The following URB1 variants were observed in gnomAD, a reference collection of about 807,000 sequenced individuals.
The protein encoded by URB1 is URB1 ribosome biogenesis factor.
A neutral mutation model predicts 242.3 loss-of-function variants in URB1; 197 were observed. The observed-to-expected ratio is 0.81, with a 90% confidence interval of 0.72 to 0.91. The LOEUF (loss-of-function observed/expected upper bound fraction) is 0.91, where lower values mean the gene tolerates loss of function less well. Among genes scored for constraint, URB1 ranks in the 40% least tolerant of loss-of-function variants. URB1 has a pLI of 0.00. For missense variants in URB1, 2,721 were observed against 2,860.5 expected (o/e 0.95, Z 1.11); for synonymous variants, 1,153 against 1,201.8 (o/e 0.96, Z 0.84).
At chr21:32,366,500 G>A (rs1601148966) in intron 10 of URB1, 118 bp downstream of exon 10, 1 of 1,408,110 alleles carries the variant, frequency 7.1e-7, no homozygotes. Flanking sequence ...AAGCCTCCGA[G>A]GCCCCCTGAC....
intron 32 of URB1, among the ~76,000 whole-genome samples, chr21:32,323,120 G>A (rs1035856561): frequency 2.0e-5 from 3 of 152,122 alleles, no homozygotes; most frequent in African/African-American, 7.2e-5. Flanking sequence ...CCCTGCACAC[G>A]CTCCACCCCG....
Position 32,361,056 on chromosome 21 carries a change from G to A in URB1, c.1707C>T (p.Val569=). Residue 569 remains valine (V), a synonymous_variant, in exon 13 of 39, where the codon GTC becomes GTT. Coordinates refer to ENST00000382751, the MANE Select transcript of URB1 (RefSeq NM_014825.3). The part of the protein sequence containing the change: ...LQVICLYQKV[V]PHVVMQYNFD... The stretch of plus-strand genomic sequence containing the variant: ...AGTTGTACTGCATGACCACGTGGGG[G>A]ACCACCTTCTGGTAGAGGCATATGA... The A allele has an allele frequency of 1.3e-6, 2 of 1,551,152 alleles. No individual in the cohort carries two copies. Among genetic ancestry groups the A allele is most frequent in the Non-Finnish European group, 1.7e-6 (2 of 1,146,896 alleles).
intron 30 of URB1, among the ~76,000 whole-genome samples, chr21:32,332,116 G>C (rs1305768348): frequency 6.6e-6 from 1 of 152,228 alleles, no homozygotes; most frequent in Non-Finnish European, 1.5e-5. Context: ...ACAACAACAG[G>C]TGAAGCAGTA....
chr21:32,373,774 TG>T lies in URB1; in HGVS notation c.751-3del, dbSNP rs1479872240. The T allele has an allele frequency of 3.3e-6, 5 of 1,514,698 alleles. No homozygotes were observed. Among genetic ancestry groups the T allele is most frequent in the Non-Finnish European group, 8.8e-7 (1 of 1,136,142 alleles). The allele number at this position is 1,514,698 out of a possible 1,614,324, so 93.8% of individuals were successfully genotyped here. On this transcript the variant is annotated splice_polypyrimidine_tract_variant and splice_region_variant and intron_variant, in intron 6 of 38. Transcript: ENST00000382751. ...TGTGATATTTTTATTGTGAACTACC[TG>T]AAACAATAATAAAACAAATTATTAA...
chr21:32,326,727 G>T (rs1384247864), intron 30 of URB1, among the ~76,000 whole-genome samples: 1 of 152,074 alleles, frequency 6.6e-6, no homozygotes, highest in African/African-American at 2.4e-5. Context: ...CTTTCCCTTT[G>T]CCTTCTACCA....
At chr21:32,321,377 C>T (rs1361056649) in intron 34 of URB1, among the ~76,000 whole-genome samples, 1 of 152,146 alleles carries the variant, frequency 6.6e-6, no homozygotes, top group Non-Finnish European at 1.5e-5. Flanking sequence ...CTGACAACCC[C>T]CAACTTCTGT....
chr21:32,383,331 G>A (rs1305619105), intron 4 of URB1, 91 bp downstream of exon 4: 1 of 1,405,720 alleles, frequency 7.1e-7, no homozygotes, highest in Non-Finnish European at 9.5e-7. Flanking sequence ...CATCTGTGTG[G>A]GGATCAGGGG....
chr21:32,326,652 C>T (rs2032833102), intron 30 of URB1, among the ~76,000 whole-genome samples: 2 of 152,106 alleles, frequency 1.3e-5, no homozygotes. Flanking sequence ...CTCACAAGAG[C>T]TGGTTGTTTA....
intron 1 of URB1, among the ~76,000 whole-genome samples, chr21:32,390,694 G>T (rs556558768): frequency 2.6e-5 from 4 of 152,196 alleles, no homozygotes; most frequent in African/African-American, 9.6e-5. Context: ...TTAGAATGGC[G>T]ATCATTAAAA....
At position 32,347,357 on chromosome 21, in the gene URB1, G is replaced by A. The variant is rs1278305601; in HGVS notation, c.3467C>T (p.Thr1156Ile). ...GCTGCAGGTCAGCAGCTGCACCAGGGTCTTTCCAAGAGCATTCAGGTGTCT... is the reference window on the plus strand; with the variant it reads ...GCTGCAGGTCAGCAGCTGCACCAGGATCTTTCCAAGAGCATTCAGGTGTCT... Reference protein sequence around the residue: ...KERHLNALGKTLVQLLTCSPQ... With the variant: ...KERHLNALGKILVQLLTCSPQ... The change falls in exon 22 of 39, where the codon ACC becomes ATC. Residue 1156 changes from threonine to isoleucine, a missense_variant. Coordinates refer to ENST00000382751, the MANE Select transcript of URB1 (RefSeq NM_014825.3). The A allele has an allele frequency of 1.9e-6, 3 of 1,551,296 alleles. No homozygotes were observed. The highest frequency in any genetic ancestry group is 2.6e-6 in the Non-Finnish European group (3 of 1,146,998).
At chr21:32,377,173 C>CT in intron 5 of URB1, 1 of 515,850 alleles carries the variant, frequency 1.9e-6, no homozygotes. Context: ...GTTTTTTTAT[C>CT]TTTTTTCTTT....
Position 32,385,685 on chromosome 21 carries a change from C to A in URB1, c.143-1G>T, listed in dbSNP as rs7349011. The A allele has an allele frequency of 1.9e-6, 3 of 1,548,614 alleles. No homozygotes were observed. Among genetic ancestry groups the A allele is most frequent in the Non-Finnish European group, 1.7e-6 (2 of 1,146,176 alleles). On this transcript the variant is annotated splice_acceptor_variant, in intron 1 of 38. Transcript: ENST00000382751. LOFTEE classifies it high-confidence loss of function. ...GCAGCAGACACAAACGCTTCCAAGC[C>A]TGAAAAAAAAGTTATGTTCAAACAT... is the stretch of plus-strand genomic sequence containing the variant.
intron 21 of URB1, among the ~76,000 whole-genome samples, chr21:32,348,342 G>GTC (rs1316759759): frequency 2.0e-5 from 3 of 152,154 alleles, no homozygotes; most frequent in African/African-American, 4.8e-5. Flanking sequence ...GGGAAAGTGG[G>GTC]TTGGGATTAA....
chr21:32,359,713 C>T, intron 14 of URB1, 83 bp downstream of exon 14: 4 of 1,246,708 alleles, frequency 3.2e-6, no homozygotes, highest in Non-Finnish European at 4.3e-6. Context: ...AGGTTCTGAG[C>T]CAATTAGCAA....
At chr21:32,352,531 T>C (rs961483819) in intron 19 of URB1, among the ~76,000 whole-genome samples, 179 bp downstream of exon 19, 2 of 152,240 alleles carry the variant, frequency 1.3e-5, no homozygotes, top group Non-Finnish European at 2.9e-5. Context: ...TGTTCAGTTA[T>C]GTTAGCTGAG....
rs1467277770 is a variant in URB1 at position 32,361,201 on chromosome 21, A to AAGAAAGAG, written c.1640-79_1640-78insCTCTTTCT. ...AAAGAAAGAAAGAAAGAAAGAAAGA[A>AAGAAAGAG]AGAAAATAGCTTGAATTAGAAAACA... On this transcript the variant is annotated intron_variant, in intron 12 of 38. Transcript: ENST00000382751. The AAGAAAGAG allele has an allele frequency of 8.5e-6, 8 of 936,908 alleles. No homozygotes were observed. The African/African-American group carries it at 1.0e-4, about 12-fold the overall frequency. 58.0% of individuals were successfully genotyped at this position (936,908 alleles called of 1,614,324 possible). A position where few individuals can be genotyped will look rare whatever the true frequency, so the allele number is the denominator to read the frequency against.
rs761106555 is a variant in URB1 at position 32,311,753 on chromosome 21, G to A, written c.*3165C>T. On this transcript the variant is annotated 3_prime_UTR_variant, in exon 39 of 39. Transcript: ENST00000382751. The stretch of plus-strand genomic sequence containing the variant: ...TCAACCTCCACCTCTGCATCCAGAA[G>A]TGCCTGCCGTGCCACAGGGAACCCC... The A allele has an allele frequency of 6.2e-7, 1 of 1,614,122 alleles. No individual in the cohort carries two copies. Among genetic ancestry groups the A allele is most frequent in the Non-Finnish European group, 8.5e-7 (1 of 1,180,008 alleles).
intron 29 of URB1, 41 bp from the exon 30 acceptor site, chr21:32,333,460 C>T (rs1390328460): frequency 6.8e-7 from 1 of 1,467,030 alleles, no homozygotes; most frequent in Non-Finnish European, 9.3e-7. Flanking sequence ...GATTCAACCT[C>T]ACAAAGGTAA....
intron 34 of URB1, among the ~76,000 whole-genome samples, chr21:32,321,006 C>T (rs964993542): frequency 2.6e-5 from 4 of 152,206 alleles, no homozygotes; most frequent in African/African-American, 4.8e-5. Flanking sequence ...CCGCCAGCCA[C>T]GAGCCATGCG....
Sources: gnomAD v4.1 joint callset for allele counts (sites outside exome capture counted in the v4.1 genomes callset) on GRCh38, gnomAD v4.1.1 for gene constraint, MANE v1.5 for transcripts, NCBI Gene and HGNC (gene_info 2026-07-23, HGNC 2026-07-21) for gene names.